The following CDON variants were observed in gnomAD, a reference collection of about 807,000 sequenced individuals.
CDON encodes cell adhesion molecule-related/down-regulated by oncogenes.
CDON carries 73 observed loss-of-function variants against 120.9 expected under a neutral mutation model. The observed-to-expected ratio is 0.60, with a 90% CI of 0.50 to 0.73. The LOEUF is 0.73. Ranked by LOEUF, CDON falls within the 30% of genes least tolerant of loss-of-function variation. The pLI, the probability that CDON is intolerant of heterozygous loss-of-function variation, is 0.00. For synonymous variants in CDON, 566 were observed against 573.5 expected (o/e 0.99, Z 0.19); for missense variants, 1,470 against 1,587.3 (o/e 0.93, Z 1.26).
At chr11:126,033,246 T>C (rs1403135174) in intron 1 of CDON, among the ~76,000 whole-genome samples, 1 of 151,748 alleles carries the variant, frequency 6.6e-6, no homozygotes, top group African/African-American at 2.4e-5. Flanking sequence ...CTGTTTGAGG[T>C]GGTAGAGGGA....
chr11:126,018,289 C>CTCT, intron 5 of CDON, 41 bp downstream of exon 5: 1 of 1,597,768 alleles, frequency 6.3e-7, no homozygotes, highest in Non-Finnish European at 8.6e-7. Flanking sequence ...TTTATGAGGA[C>CTCT]TCTTCCTCTT....
At chr11:125,974,340 TGTAGGTAG>T (rs143014617) in intron 18 of CDON, among the ~76,000 whole-genome samples, 36,723 of 121,560 alleles carry the variant, frequency 0.3, 6,221 homozygotes, top group Middle Eastern at 0.38. Context: ...AGCAAACATT[TGTAGGTAG>T]GTAGGTAGGT....
chr11:126,061,905 GA>G (rs1488264993), intron 1 of CDON, among the ~76,000 whole-genome samples: 1 of 152,182 alleles, frequency 6.6e-6, no homozygotes, highest in Non-Finnish European at 1.5e-5. Context: ...GGAGAACAAT[GA>G]AGGGAAGGGC....
chr11:125,992,177 C>T (rs1246891088), intron 14 of CDON, among the ~76,000 whole-genome samples: 2 of 152,112 alleles, frequency 1.3e-5, no homozygotes, highest in Non-Finnish European at 2.9e-5. Flanking sequence ...GACGTCCCCA[C>T]TGCCCTAAAC....
chr11:126,039,937 T>C (rs1165046399), intron 1 of CDON, among the ~76,000 whole-genome samples: 1 of 152,180 alleles, frequency 6.6e-6, no homozygotes, highest in African/African-American at 2.4e-5. Flanking sequence ...CTCAGCACAC[T>C]GCTCTCCAAC....
At chr11:126,038,743 C>T (rs1365041153) in intron 1 of CDON, among the ~76,000 whole-genome samples, 1 of 152,108 alleles carries the variant, frequency 6.6e-6, no homozygotes, top group Non-Finnish European at 1.5e-5. Context: ...CAAGAACTTA[C>T]GTTTTAAGAT....
intron 18 of CDON, among the ~76,000 whole-genome samples, chr11:125,967,718 C>A (rs116319536): frequency 3.0e-3 from 454 of 152,250 alleles, no homozygotes; most frequent in African/African-American, 0.01. Context: ...CTCACTGCAC[C>A]GTTGACCTCC....
In CDON at chr11:125,994,272, C is replaced by T. The variant is rs1946712244; in HGVS notation, c.2650+12G>A. 3.5e-6 allele frequency: 5 copies of T among 1,431,718 alleles called. No individual in the cohort carries two copies. Among genetic ancestry groups the T allele is most frequent in the Non-Finnish European group, 4.9e-6 (5 of 1,014,446 alleles). 88.7% of individuals were successfully genotyped at this position (1,431,718 alleles called of 1,614,324 possible). A position where few individuals can be genotyped will look rare whatever the true frequency, so the allele number is the denominator to read the frequency against. On this transcript the variant is annotated intron_variant, in intron 14 of 19. Coordinates refer to ENST00000531738, the MANE Select transcript of CDON (RefSeq NM_001378964.1). ...CGCCTTTACAGGGACTCCAGTGTGCCAGGGGACTTACCTTCTACAACATCC... is the reference window on the plus strand; with the variant it reads ...CGCCTTTACAGGGACTCCAGTGTGCTAGGGGACTTACCTTCTACAACATCC...
intron 1 of CDON, among the ~76,000 whole-genome samples, chr11:126,062,376 C>A (rs775774462): frequency 2.8e-4 from 42 of 152,254 alleles, no homozygotes; most frequent in African/African-American, 9.6e-4. Flanking sequence ...TCCGAGCCCC[C>A]GAGGACGCGG....
intron 1 of CDON, among the ~76,000 whole-genome samples, chr11:126,035,707 A>G (rs1948075647): frequency 6.6e-6 from 1 of 152,204 alleles, no homozygotes. Context: ...GAAAACCTGC[A>G]CCCTTGAAAA....
chr11:126,047,791 T>C (rs1948440672), intron 1 of CDON, among the ~76,000 whole-genome samples: 1 of 152,204 alleles, frequency 6.6e-6, no homozygotes, highest in African/African-American at 2.4e-5. Context: ...TCTAAACTGC[T>C]ATAATACACT....
rs780456889 is a variant in CDON, at chr11:125,997,190, C to G, written c.2362+17G>C. On this transcript the variant is annotated intron_variant, in intron 12 of 19. Coordinates refer to ENST00000531738, the MANE Select transcript of CDON (RefSeq NM_001378964.1). The stretch of plus-strand genomic sequence containing the variant: ...AGTTCACATCGATGGTAAAAGGAAA[C>G]GTTTGAATATTACTACCTGGTTCTA... The G allele has an allele frequency of 6.4e-7, 1 of 1,567,354 alleles. No homozygotes were observed. Among genetic ancestry groups the G allele is most frequent in the Middle Eastern group, 1.7e-4 (1 of 5,970 alleles).
At chr11:126,010,733 A>G (rs758237179) in intron 7 of CDON, 39 bp from the exon 8 acceptor site, 4 of 1,531,828 alleles carry the variant, frequency 2.6e-6, no homozygotes, top group Non-Finnish European at 2.7e-6. Context: ...AATGAAGAAC[A>G]TTGTAGTACC....
chr11:126,030,981 A>G (rs1277713350), intron 1 of CDON, among the ~76,000 whole-genome samples: 2 of 152,238 alleles, frequency 1.3e-5, no homozygotes, highest in African/African-American at 2.4e-5. Flanking sequence ...TTGGGCAAGA[A>G]CCTATGAGGG....
At chr11:126,018,527 G>A in intron 4 of CDON, 54 bp from the exon 5 acceptor site, 1 of 1,470,712 alleles carries the variant, frequency 6.8e-7, no homozygotes, top group Non-Finnish European at 9.5e-7. Flanking sequence ...GGACACCACA[G>A]CACAACTAAA....
chr11:125,996,934 T>C (rs1014904370), intron 12 of CDON, among the ~76,000 whole-genome samples: 1 of 152,056 alleles, frequency 6.6e-6, no homozygotes, highest in Non-Finnish European at 1.5e-5. Context: ...AGCACTTTAG[T>C]AGGAGACCGA....
chr11:125,987,850 A>G (rs486304), intron 15 of CDON, among the ~76,000 whole-genome samples: 89,472 of 152,056 alleles, frequency 0.59, 26,574 homozygotes, highest in African/African-American at 0.66. Context: ...CTAAAGGTAT[A>G]TGGATATATG....
chr11:126,051,399 C>A (rs1342630764), intron 1 of CDON, among the ~76,000 whole-genome samples: 1 of 152,104 alleles, frequency 6.6e-6, no homozygotes, highest in Non-Finnish European at 1.5e-5. Flanking sequence ...GGGTGGAATG[C>A]ATTAGCCTGG....
rs1382184030 is a variant in CDON, at chr11:126,035,277, C to G, written c.-61-11740G>C. On this transcript the variant is annotated intron_variant, in intron 1 of 19. Coordinates refer to ENST00000531738, the MANE Select transcript of CDON (RefSeq NM_001378964.1). Reference sequence around the variant, plus strand: ...AAAAAAACAAATCTTGGAAAAGGATCTTTGCTGCAAATAAACTTGAATCAA... The same window carrying G: ...AAAAAAACAAATCTTGGAAAAGGATGTTTGCTGCAAATAAACTTGAATCAA... Among the ~76,000 whole-genome samples, 4 of 152,196 alleles carry G rather than the reference C, an allele frequency of 2.6e-5. No homozygotes were observed. The South Asian group carries it at 8.3e-4, about 32-fold the overall frequency.
Sources: allele counts gnomAD v4.1 joint callset (sites outside exome capture counted in the v4.1 genomes callset), GRCh38; gene constraint gnomAD v4.1.1; transcripts MANE v1.5; gene names NCBI Gene and HGNC (gene_info 2026-07-23, HGNC 2026-07-21).